The following SP100 variants were observed in gnomAD, a reference collection of about 807,000 sequenced individuals.
SP100 encodes nuclear autoantigen Sp-100.
Under a neutral mutation model 130.0 loss-of-function variants are expected in SP100, and 84 were observed. The ratio of observed to expected loss-of-function variants is 0.65; its 90% CI spans 0.54 to 0.77. The LOEUF is 0.77. Ranked by LOEUF, SP100 falls within the 30% of genes least tolerant of loss-of-function variation. The probability of loss-of-function intolerance (pLI) is 0.00; values close to 1 mark genes in which losing one functional copy is unlikely to be tolerated. For missense variants in SP100, 978 were observed against 1,052.2 expected (o/e 0.93, Z 0.97); for synonymous variants, 331 against 351.7 (o/e 0.94, Z 0.66).
At chr2:230,506,480 T>G in intron 22 of SP100, 35 bp downstream of exon 22, 1 of 1,607,818 alleles carries the variant, frequency 6.2e-7, no homozygotes, top group East Asian at 2.2e-5. Flanking sequence ...ACCAAGGATT[T>G]AGCTGTCATG....
intron 2 of SP100, among the ~76,000 whole-genome samples, chr2:230,437,782 TC>T (rs2063338532): frequency 6.6e-6 from 1 of 152,084 alleles, no homozygotes; most frequent in Non-Finnish European, 1.5e-5. Context: ...GGTCTTGAAC[TC>T]CTGACCTCGT....
chr2:230,490,138 G>T (rs886716855), intron 17 of SP100, among the ~76,000 whole-genome samples: 3 of 152,128 alleles, frequency 2.0e-5, no homozygotes, highest in Non-Finnish European at 2.9e-5. Context: ...CAATTATTAT[G>T]TGGGAGTCTA....
At chr2:230,478,621 A>C (rs1290176393) in intron 17 of SP100, among the ~76,000 whole-genome samples, 1 of 152,082 alleles carries the variant, frequency 6.6e-6, no homozygotes, top group Non-Finnish European at 1.5e-5. Context: ...TTCCACAACT[A>C]TGGGTCGAGG....
intron 17 of SP100, among the ~76,000 whole-genome samples, chr2:230,492,936 A>G (rs934856437): frequency 3.9e-5 from 6 of 152,222 alleles, no homozygotes; most frequent in Non-Finnish European, 7.3e-5. Context: ...TCTGTGGCCA[A>G]TAAGTCTCCC....
chr2:230,469,081 C>CCCA lies in SP100; in HGVS notation c.1331_1333dup (p.Pro444_Ser445insThr). ...TAGAAGTACATCTACTTGGAGAATA[C>CCCA]CCAGCAGGAAGAGACGTAAGAGCAA... On this transcript the variant is annotated inframe_insertion, in exon 14 of 29. Coordinates refer to ENST00000340126, the MANE Select transcript of SP100 (RefSeq NM_001080391.2). 6.3e-7 allele frequency: 1 copy of CCCA among 1,598,174 alleles called. No individual in the cohort carries two copies. The highest frequency in any genetic ancestry group is 8.6e-7 in the Non-Finnish European group (1 of 1,167,776).
In SP100 at chr2:230,541,221, C is replaced by T. The variant is rs1394384960; in HGVS notation, c.2332-80C>T. The T allele has an allele frequency of 5.1e-6, 7 of 1,362,920 alleles. No homozygotes were observed. In the African/African-American group the frequency reaches 5.8e-5, roughly 11 times the overall value. The allele number at this position is 1,362,920 out of a possible 1,614,324, so 84.4% of individuals were successfully genotyped here. A position where few individuals can be genotyped will look rare whatever the true frequency, so the allele number is the denominator to read the frequency against. On this transcript the variant is annotated intron_variant, in intron 26 of 28. Transcript: ENST00000340126. ...TCAAAGAGTCCACAGGTTTGGGAGT[C>T]GTGTGTTCTCTTTGGGCAAGCATAT...
intron 1 of SP100, chr2:230,416,682 A>T (rs1418941616): frequency 2.0e-6 from 2 of 978,980 alleles, no homozygotes; most frequent in Non-Finnish European, 2.5e-6. Context: ...TCTACCTTCA[A>T]ATATGTCATG....
chr2:230,458,282 G>T (rs1290301836), intron 8 of SP100, among the ~76,000 whole-genome samples: 1 of 152,056 alleles, frequency 6.6e-6, no homozygotes, highest in Non-Finnish European at 1.5e-5. Flanking sequence ...GATCTCCAAA[G>T]GAAAATGTTA....
At chr2:230,500,456 T>A (rs1003264898) in intron 19 of SP100, among the ~76,000 whole-genome samples, 1 of 152,202 alleles carries the variant, frequency 6.6e-6, no homozygotes, top group Admixed American at 6.5e-5. Context: ...CAATAGGTTT[T>A]GATTGAAAGG....
intron 24 of SP100, chr2:230,537,778 G>A (rs1285319634): frequency 3.9e-5 from 6 of 152,202 alleles, no homozygotes; most frequent in African/African-American, 1.4e-4. Flanking sequence ...AAGCTCCTCT[G>A]GTGTTTTGTG....
intron 24 of SP100, among the ~76,000 whole-genome samples, chr2:230,526,089 A>T (rs989418996): frequency 3.9e-5 from 6 of 152,184 alleles, no homozygotes; most frequent in Admixed American, 1.3e-4. Flanking sequence ...CTGAGAATGG[A>T]CAGACTGCCT....
chr2:230,514,945 T>C (rs1690819398), intron 24 of SP100: 2 of 1,328,308 alleles, frequency 1.5e-6, no homozygotes, highest in East Asian at 2.4e-5. Flanking sequence ...TTGAGCTCCA[T>C]AGAGATAGTG....
intron 24 of SP100, among the ~76,000 whole-genome samples, chr2:230,520,262 T>C (rs1691109761): frequency 6.6e-6 from 1 of 152,188 alleles, no homozygotes; most frequent in African/African-American, 2.4e-5. Flanking sequence ...TCCGCTATTG[T>C]GGGTTTCCTA....
chr2:230,513,641 G>A (rs189241653), intron 24 of SP100, among the ~76,000 whole-genome samples: 1 of 152,230 alleles, frequency 6.6e-6, no homozygotes, highest in Non-Finnish European at 1.5e-5. Context: ...CCCTCGGTGG[G>A]GGAAAAAAAC....
At chr2:230,506,503 C>T in intron 22 of SP100, 58 bp downstream of exon 22, 1 of 1,561,236 alleles carries the variant, frequency 6.4e-7, no homozygotes, top group South Asian at 1.1e-5. Flanking sequence ...TCACTAACAC[C>T]AAGCTTTAGC....
intron 24 of SP100, among the ~76,000 whole-genome samples, chr2:230,524,195 A>AAAAAAAAG (rs1559534582): frequency 1.4e-4 from 20 of 143,316 alleles, no homozygotes; most frequent in East Asian, 6.0e-4. Context: ...AAAAAAAAAA[A>AAAAAAAAG]AAAAAAGAAA....
At chr2:230,444,076 A>G (rs1346968063) in intron 3 of SP100, 102 bp from the exon 4 acceptor site, 8 of 840,698 alleles carry the variant, frequency 9.5e-6, no homozygotes, top group African/African-American at 3.5e-5. Context: ...GAAAATACCT[A>G]CGTAGAGAAA....
At chr2:230,517,159 T>C (rs1287016882) in intron 24 of SP100, among the ~76,000 whole-genome samples, 1 of 152,178 alleles carries the variant, frequency 6.6e-6, no homozygotes, top group Non-Finnish European at 1.5e-5. Flanking sequence ...AGAGGAGAGA[T>C]ACATTCTTTC....
At chr2:230,417,074 A>C (rs1386158218) in intron 1 of SP100, among the ~76,000 whole-genome samples, 1 of 152,240 alleles carries the variant, frequency 6.6e-6, no homozygotes, top group Admixed American at 6.5e-5. Context: ...AATTTAAAAC[A>C]GTGGAGAAGT....
Sources: gnomAD v4.1 joint callset for allele counts (sites outside exome capture counted in the v4.1 genomes callset) on GRCh38, gnomAD v4.1.1 for gene constraint, MANE v1.5 for transcripts, NCBI Gene and HGNC (gene_info 2026-07-23, HGNC 2026-07-21) for gene names.